TNS3: variants seen among roughly 807,000 people sequenced by gnomAD.
TNS3 encodes the protein tensin-3.
Under a neutral mutation model 140.9 loss-of-function variants are expected in TNS3, and 45 were observed. The ratio of observed to expected loss-of-function variants is 0.32; its 90% CI spans 0.25 to 0.41. The LOEUF (loss-of-function observed/expected upper bound fraction) is 0.41, where lower values mean the gene tolerates loss of function less well. TNS3 is among the 10% of genes least tolerant of loss of function. The probability of loss-of-function intolerance (pLI) is 1.00; values close to 1 mark genes in which losing one functional copy is unlikely to be tolerated. For missense variants in TNS3, 1,716 were observed against 1,906.7 expected (o/e 0.90, Z 1.86); for synonymous variants, 815 against 788.4 (o/e 1.03, Z -0.56).
intron 13 of TNS3, among the ~76,000 whole-genome samples, chr7:47,403,868 T>C (rs1793296020): frequency 6.6e-6 from 1 of 152,230 alleles, no homozygotes; most frequent in South Asian, 2.1e-4. Flanking sequence ...ATGCTTGTAA[T>C]ACTTAACAGA....
rs1554336725 is a variant in TNS3 at position 47,474,117 on chromosome 7, A to AAAAC, written c.-76+6985_-76+6986insGTTT. On this transcript the variant is annotated intron_variant, in intron 4 of 30. Transcript: ENST00000311160. ...AAGTAAAACATACTGAGCAAGTCTC[A>AAAAC]ACACACACACACACACACACACACA... Among the ~76,000 whole-genome samples, 6 of 145,426 alleles carry AAAAC rather than the reference A, an allele frequency of 4.1e-5. No homozygotes were observed. The East Asian group carries it at 1.2e-3, about 30-fold the overall frequency.
At chr7:47,314,156 C>T (rs1179654998) in intron 20 of TNS3, among the ~76,000 whole-genome samples, 2 of 152,228 alleles carry the variant, frequency 1.3e-5, no homozygotes, top group Non-Finnish European at 2.9e-5. Context: ...CCTTGGCATT[C>T]CCAGATAAGT....
chr7:47,369,760 C>A, intron 16 of TNS3, 139 bp from the exon 17 acceptor site: 1 of 1,035,588 alleles, frequency 9.7e-7, no homozygotes, highest in South Asian at 1.8e-5. Flanking sequence ...ACAAAGATTC[C>A]TCTAACATCA....
chr7:47,463,866 G>C (rs1334609426), intron 4 of TNS3, among the ~76,000 whole-genome samples: 1 of 152,138 alleles, frequency 6.6e-6, no homozygotes, highest in East Asian at 1.9e-4. Flanking sequence ...TGCAAATATG[G>C]AATCCACAAG....
At position 47,383,564 on chromosome 7, in the gene TNS3, C is replaced by T. The variant is rs139895618; in HGVS notation, c.1024+13236G>A. Among the ~76,000 whole-genome samples the T allele has an allele frequency of 3.4e-3, 514 of 152,248 alleles. 3 individuals are homozygous for T. The highest frequency in any genetic ancestry group is 0.012 in the African/African-American group (481 of 41,534). ...AATTTATGTGCTATGAATCTGATCTCAACAAATAAAAAGTAAGAACATTCT... is the reference window on the plus strand; with the variant it reads ...AATTTATGTGCTATGAATCTGATCTTAACAAATAAAAAGTAAGAACATTCT... On this transcript the variant is annotated intron_variant, in intron 16 of 30. Coordinates refer to ENST00000311160, the MANE Select transcript of TNS3 (RefSeq NM_022748.12).
intron 17 of TNS3, among the ~76,000 whole-genome samples, chr7:47,346,980 C>T (rs1789381774): frequency 6.6e-6 from 1 of 152,132 alleles, no homozygotes; most frequent in Non-Finnish European, 1.5e-5. Context: ...AAATTCTGTT[C>T]TTTTTGTGTT....
chr7:47,394,650 C>G (rs916422916), intron 16 of TNS3, among the ~76,000 whole-genome samples: 2 of 152,236 alleles, frequency 1.3e-5, no homozygotes, highest in Admixed American at 1.3e-4. Flanking sequence ...GCAAGTCCTC[C>G]ACATGTATGG....
In TNS3 at chr7:47,435,414, G is replaced by C; in HGVS notation, c.202-10C>G. 1 of 1,612,964 alleles carries C rather than the reference G, an allele frequency of 6.2e-7. No individual in the cohort carries two copies. The highest frequency in any genetic ancestry group is 8.5e-7 in the Non-Finnish European group (1 of 1,179,930). ...AGCCCACATCCATGATCTGCAACAAGAAAGGGGAGCTTCCTCGGTTTCCAT... is the reference window on the plus strand; with the variant it reads ...AGCCCACATCCATGATCTGCAACAACAAAGGGGAGCTTCCTCGGTTTCCAT... On this transcript the variant is annotated splice_polypyrimidine_tract_variant and intron_variant, in intron 7 of 30. Coordinates refer to ENST00000311160, the MANE Select transcript of TNS3 (RefSeq NM_022748.12).
chr7:47,310,009 T>C (rs1383895680), intron 20 of TNS3, among the ~76,000 whole-genome samples: 2 of 152,190 alleles, frequency 1.3e-5, no homozygotes, highest in Non-Finnish European at 2.9e-5. Flanking sequence ...TTCTCAGACA[T>C]GGACCCGTTT....
intron 27 of TNS3, among the ~76,000 whole-genome samples, chr7:47,288,018 G>C (rs1349177301): frequency 6.6e-6 from 1 of 152,240 alleles, no homozygotes; most frequent in African/African-American, 2.4e-5. Flanking sequence ...CTATTAGGAT[G>C]CACTGTTATG....
chr7:47,310,783 T>C (rs1787039254), intron 20 of TNS3, among the ~76,000 whole-genome samples: 2 of 152,222 alleles, frequency 1.3e-5, no homozygotes, highest in South Asian at 4.1e-4. Context: ...GGTGTTCTGA[T>C]TGTTCAATTC....
At chr7:47,477,022 G>T (rs982942978) in intron 4 of TNS3, among the ~76,000 whole-genome samples, 1 of 152,144 alleles carries the variant, frequency 6.6e-6, no homozygotes, top group African/African-American at 2.4e-5. Flanking sequence ...TCACGGAAAA[G>T]GTTCCTTCTC....
chr7:47,365,995 T>C (rs1314372376), intron 17 of TNS3, among the ~76,000 whole-genome samples: 1 of 152,170 alleles, frequency 6.6e-6, no homozygotes, highest in Non-Finnish European at 1.5e-5. Context: ...AACCTAAGTA[T>C]GTGGAGTCCT....
chr7:47,550,451 C>A (rs146986990), intron 1 of TNS3, among the ~76,000 whole-genome samples: 12 of 152,334 alleles, frequency 7.9e-5, no homozygotes, highest in Admixed American at 6.5e-5. Flanking sequence ...GTCCCTCTGA[C>A]CTTCACCTTC....
chr7:47,348,426 C>G (rs1448869885), intron 17 of TNS3, among the ~76,000 whole-genome samples: 2 of 152,192 alleles, frequency 1.3e-5, no homozygotes, highest in African/African-American at 4.8e-5. Flanking sequence ...CCTAGAACTT[C>G]AGAGGTCACT....
chr7:47,406,051 T>G (rs991036943), intron 13 of TNS3, among the ~76,000 whole-genome samples: 1 of 152,174 alleles, frequency 6.6e-6, no homozygotes, highest in Non-Finnish European at 1.5e-5. Context: ...ATGAGCCCGC[T>G]GCCCGCATGA....
intron 20 of TNS3, among the ~76,000 whole-genome samples, chr7:47,317,285 A>C (rs970772127): frequency 6.6e-6 from 1 of 152,198 alleles, no homozygotes; most frequent in East Asian, 1.9e-4. Context: ...TTCTCATCAC[A>C]ATTGGAATTA....
At chr7:47,375,218 C>A (rs1001963899) in intron 16 of TNS3, among the ~76,000 whole-genome samples, 1 of 152,166 alleles carries the variant, frequency 6.6e-6, no homozygotes, top group African/African-American at 2.4e-5. Context: ...GGAGGAGAAC[C>A]TTTCCACATC....
intron 10 of TNS3, among the ~76,000 whole-genome samples, chr7:47,423,086 C>T (rs765520163): frequency 1.7e-4 from 26 of 152,186 alleles, no homozygotes; most frequent in Non-Finnish European, 3.2e-4. Flanking sequence ...TCTGGTGATG[C>T]TTGAAATCCC....
Sources: gnomAD v4.1 joint callset for allele counts (sites outside exome capture counted in the v4.1 genomes callset) on GRCh38, gnomAD v4.1.1 for gene constraint, MANE v1.5 for transcripts, NCBI Gene and HGNC (gene_info 2026-07-23, HGNC 2026-07-21) for gene names.